The following ESCO2 variants were observed in gnomAD, a reference collection of about 807,000 sequenced individuals.
ESCO2 encodes establishment of sister chromatid cohesion N-acetyltransferase 2, also known as N-acetyltransferase ESCO2.
A neutral mutation model predicts 61.7 loss-of-function variants in ESCO2; 51 were observed. That is an observed-to-expected ratio of 0.83 (90% CI 0.66 to 1.04). ESCO2 has a LOEUF of 1.04. ESCO2 is among the 50% of genes least tolerant of loss of function. The probability of loss-of-function intolerance (pLI) is 0.00; values close to 1 mark genes in which losing one functional copy is unlikely to be tolerated. For missense variants in ESCO2, 692 were observed against 686.2 expected (o/e 1.01, Z -0.09); for synonymous variants, 230 against 238.2 (o/e 0.97, Z 0.32).
In ESCO2 at chr8:27,804,135, G is replaced by C. The variant is rs1016816951; in HGVS notation, c.*697G>C. 311 of 985,132 alleles carry C rather than the reference G, an allele frequency of 3.2e-4. No individual in the cohort carries two copies. The highest frequency in any genetic ancestry group is 3.6e-4 in the Non-Finnish European group (300 of 829,812). The allele number at this position is 985,132 out of a possible 1,614,324, so 61.0% of individuals were successfully genotyped here. On this transcript the variant is annotated 3_prime_UTR_variant, in exon 11 of 11. Coordinates refer to ENST00000305188, the MANE Select transcript of ESCO2 (RefSeq NM_001017420.3). Reference sequence around the variant, plus strand: ...TTTAGAATTTATTTGTAACAAGATGGTAAGGAATAAGATTATCCCATATGC... The same window carrying C: ...TTTAGAATTTATTTGTAACAAGATGCTAAGGAATAAGATTATCCCATATGC...
Position 27,780,242 on chromosome 8 carries a change from G to C in ESCO2, c.930G>C (p.Glu310Asp). The C allele has an allele frequency of 6.2e-7, 1 of 1,610,342 alleles. No individual in the cohort carries two copies. The highest frequency in any genetic ancestry group is 8.5e-7 in the Non-Finnish European group (1 of 1,177,088). The change falls in exon 4 of 11, where the codon GAG becomes GAC. Residue 310 changes from glutamate (E) to aspartate (D), a missense_variant. By Grantham distance (45) the Glu-to-Asp change is conservative (BLOSUM62 2). Transcript: ENST00000305188. ...KVDKNEAFSS[E>D]DSLGENKTIS... ...ATAAAAATGAGGCTTTTTCTTCAGA[G>C]GATTCTCTTGGTGAGAATAAGACAA...
rs574730772 is a variant in ESCO2 at position 27,797,545 on chromosome 8, A to C, written c.1498-1996A>C. On this transcript the variant is annotated intron_variant, in intron 9 of 10. Coordinates refer to ENST00000305188, the MANE Select transcript of ESCO2 (RefSeq NM_001017420.3). Reference sequence around the variant, plus strand: ...GTGTCTTGATTGGCAAACATATTCTATTTACACTTAAAGTAATTATTGATA... The same window carrying C: ...GTGTCTTGATTGGCAAACATATTCTCTTTACACTTAAAGTAATTATTGATA... Among the ~76,000 whole-genome samples, 26 of 152,180 alleles carry C rather than the reference A, an allele frequency of 1.7e-4. No individual in the cohort carries two copies. The South Asian group carries it at 5.2e-3, about 30-fold the overall frequency.
At chr8:27,784,150 G>GTTT in intron 5 of ESCO2, 93 bp downstream of exon 5, 1 of 1,217,130 alleles carries the variant, frequency 8.2e-7, no homozygotes, top group Non-Finnish European at 1.2e-6. Context: ...AATTTGGGGA[G>GTTT]TTTTTTTTTC....
In ESCO2 at chr8:27,803,549, TACACACACACAC is replaced by T; in HGVS notation, c.*118_*129del. The T allele has an allele frequency of 6.0e-6, 8 of 1,323,224 alleles. No homozygotes were observed. The highest frequency in any genetic ancestry group is 8.0e-6 in the Non-Finnish European group (8 of 1,005,832). The allele number at this position is 1,323,224 out of a possible 1,614,324, so 82.0% of individuals were successfully genotyped here. On this transcript the variant is annotated 3_prime_UTR_variant, in exon 11 of 11. Coordinates refer to ENST00000305188, the MANE Select transcript of ESCO2 (RefSeq NM_001017420.3). ...TAAAAAATACCGAGACTCACACTCATACACACACACACACACACGCACACACACATATCACAG... is the reference window on the plus strand; with the variant it reads ...TAAAAAATACCGAGACTCACACTCATACACACGCACACACACATATCACAG...
chr8:27,794,069 G>A (rs1023005954), intron 9 of ESCO2, among the ~76,000 whole-genome samples: 1 of 152,134 alleles, frequency 6.6e-6, no homozygotes, highest in African/African-American at 2.4e-5. Flanking sequence ...CAAATGTCAG[G>A]ATTTCCTTTT....
downstream of ESCO2, among the ~76,000 whole-genome samples, chr8:27,814,601 CATTG>C (rs1193897137): frequency 6.6e-6 from 1 of 152,040 alleles, no homozygotes; most frequent in African/African-American, 2.4e-5. Context: ...GAACATAGGT[CATTG>C]ATTTAGAACT....
In ESCO2 at chr8:27,799,544, T is replaced by C. The variant is rs1324169015; in HGVS notation, c.1501T>C (p.Phe501Leu). Residue 501 changes from phenylalanine (F) to leucine (L), a missense_variant, in exon 10 of 11, where the codon TTT becomes CTT. Physicochemically the swap from Phe to Leu is conservative, Grantham distance 22. Coordinates refer to ENST00000305188, the MANE Select transcript of ESCO2 (RefSeq NM_001017420.3). ...CLIAEPIKQA[F>L]RVLSEPIGPE... Reference sequence around the variant, plus strand: ...ATGCTTCTGTATATCATTGCAGGCATTTCGTGTCCTGTCTGAACCAATTGG... The same window carrying C: ...ATGCTTCTGTATATCATTGCAGGCACTTCGTGTCCTGTCTGAACCAATTGG... The C allele has an allele frequency of 6.2e-7, 1 of 1,614,022 alleles. No individual in the cohort carries two copies. The highest frequency in any genetic ancestry group is 8.5e-7 in the Non-Finnish European group (1 of 1,179,998).
At chr8:27,798,867 A>AG (rs1025091862) in intron 9 of ESCO2, among the ~76,000 whole-genome samples, 8 of 152,244 alleles carry the variant, frequency 5.3e-5, no homozygotes, top group East Asian at 1.9e-4. Flanking sequence ...TGAGGATGGG[A>AG]GAGGGGGTAG....
At chr8:27,779,923 C>G (rs1325725103) in intron 3 of ESCO2, 1 of 399,058 alleles carries the variant, frequency 2.5e-6, no homozygotes, top group African/African-American at 2.0e-5. Context: ...CCTCGGCCTC[C>G]CAAAGTGCTG....
At chr8:27,812,150 C>T (rs1805699368), downstream of ESCO2, 1 of 152,238 alleles carries the variant, frequency 6.6e-6, no homozygotes, top group African/African-American at 2.4e-5. Context: ...GTCTTGTTCC[C>T]TACTTCAGTA....
At chr8:27,801,414 C>T (rs1805422551) in intron 10 of ESCO2, among the ~76,000 whole-genome samples, 3 of 152,130 alleles carry the variant, frequency 2.0e-5, no homozygotes, top group South Asian at 4.1e-4. Flanking sequence ...ATTATGGGGA[C>T]CGGATCTTGG....
intron 8 of ESCO2, 128 bp from the exon 9 acceptor site, chr8:27,792,540 A>G: frequency 1.9e-6 from 2 of 1,026,188 alleles, no homozygotes; most frequent in Non-Finnish European, 1.4e-6. Flanking sequence ...TTGGAGGTGT[A>G]TAAATTTAAG....
intron 3 of ESCO2, 151 bp from the exon 4 acceptor site, chr8:27,780,023 A>T: frequency 1.6e-6 from 1 of 623,144 alleles, no homozygotes; most frequent in South Asian, 1.9e-5. Flanking sequence ...TTTCCTAAAA[A>T]TAGTTTGAAA....
rs56062620 is a variant in ESCO2 at position 27,803,549 on chromosome 8, T to TACACACACACACAC, written c.*116_*129dup. 56 of 1,324,002 alleles carry TACACACACACACAC rather than the reference T, an allele frequency of 4.2e-5. No homozygotes were observed. The highest frequency in any genetic ancestry group is 3.6e-4 in the South Asian group (23 of 64,668). 82.0% of individuals were successfully genotyped at this position (1,324,002 alleles called of 1,614,324 possible). On this transcript the variant is annotated 3_prime_UTR_variant, in exon 11 of 11. Coordinates refer to ENST00000305188, the MANE Select transcript of ESCO2 (RefSeq NM_001017420.3). ...TAAAAAATACCGAGACTCACACTCA[T>TACACACACACACAC]ACACACACACACACACACGCACACA...
chr8:27,801,461 G>C (rs1021914634), intron 10 of ESCO2, among the ~76,000 whole-genome samples: 1 of 151,876 alleles, frequency 6.6e-6, no homozygotes, highest in African/African-American at 2.4e-5. Context: ...ACTTACAAAG[G>C]GTATCAGTAG....
intron 1 of ESCO2, chr8:27,774,874 C>T (rs1368172313): frequency 1.3e-5 from 2 of 152,574 alleles, no homozygotes; most frequent in Non-Finnish European, 2.9e-5. Flanking sequence ...GGTCGGGACG[C>T]TTTCCTCTCC....
chr8:27,780,788 T>C (rs1247404651), intron 4 of ESCO2, among the ~76,000 whole-genome samples: 1 of 152,226 alleles, frequency 6.6e-6, no homozygotes, highest in African/African-American at 2.4e-5. Flanking sequence ...CTGTCAATTC[T>C]GAAATCCTAT....
At position 27,784,006 on chromosome 8, in the gene ESCO2, C is replaced by T. The variant is rs1380676; in HGVS notation, c.962C>T (p.Pro321Leu). 1.9e-6 allele frequency: 3 copies of T among 1,612,912 alleles called. No individual in the cohort carries two copies. Among genetic ancestry groups the T allele is most frequent in the South Asian group, 2.2e-5 (2 of 91,064 alleles). The change falls in exon 5 of 11, where the codon CCT becomes CTT. Residue 321 changes from proline (P) to leucine (L), a missense_variant. By Grantham distance (98) the Pro-to-Leu change is moderately conservative (BLOSUM62 -3). Transcript: ENST00000305188. ...ATGATTTTTCCCCTACCAGTTTCTC[C>T]TAAGTCCACTGTCTATCCAATCTTC... ...DSLGENKTIS[P>L]KSTVYPIFSA... is the part of the protein sequence containing the mutation.
intron 5 of ESCO2, 61 bp downstream of exon 5, chr8:27,784,118 CTT>C: frequency 3.3e-6 from 5 of 1,507,030 alleles, no homozygotes; most frequent in East Asian, 4.5e-5. Flanking sequence ...CTCTGGGTCT[CTT>C]TTTCAGTCTC....
Sources: gnomAD v4.1 joint callset for allele counts (sites outside exome capture counted in the v4.1 genomes callset) on GRCh38, gnomAD v4.1.1 for gene constraint, MANE v1.5 for transcripts, NCBI Gene and HGNC (gene_info 2026-07-23, HGNC 2026-07-21) for gene names.